KIAA1217: variants seen among roughly 807,000 people sequenced by gnomAD.
KIAA1217 encodes KIAA1217.
In KIAA1217, 88 loss-of-function variants were observed where a neutral mutation model predicts 163.9. The ratio of observed to expected loss-of-function variants is 0.54; its 90% CI spans 0.45 to 0.64. The LOEUF (loss-of-function observed/expected upper bound fraction) is 0.64, where lower values mean the gene tolerates loss of function less well. Among genes scored for constraint, KIAA1217 ranks in the 30% least tolerant of loss-of-function variants. The pLI, the probability that KIAA1217 is intolerant of heterozygous loss-of-function variation, is 0.00. For synonymous variants in KIAA1217, 903 were observed against 923.1 expected, an observed-to-expected ratio of 0.98 and a Z score of 0.39; for missense variants, 2,372 against 2,475.0, an observed-to-expected ratio of 0.96 and a Z score of 0.88.
At chr10:24,165,398 A>C (rs1249825765) in intron 2 of KIAA1217, among the ~76,000 whole-genome samples, 1 of 152,196 alleles carries the variant, frequency 6.6e-6, no homozygotes, top group Non-Finnish European at 1.5e-5. Flanking sequence ...GATGCTAGGA[A>C]TGTGTCAGTG....
At chr10:23,716,724 A>G (rs763291246) in intron 1 of KIAA1217, among the ~76,000 whole-genome samples, 3 of 152,144 alleles carry the variant, frequency 2.0e-5, no homozygotes, top group Non-Finnish European at 4.4e-5. Context: ...ATCAGCCTCT[A>G]TTGTGCATAT....
intron 5 of KIAA1217, chr10:24,466,918 T>A (rs2063012433): frequency 5.9e-6 from 2 of 337,196 alleles, no homozygotes; most frequent in East Asian, 1.7e-4. Context: ...AAGGGTGGGG[T>A]TTGAAATACA....
intron 1 of KIAA1217, among the ~76,000 whole-genome samples, chr10:23,965,254 C>T (rs1049617344): frequency 2.6e-5 from 4 of 152,204 alleles, no homozygotes; most frequent in African/African-American, 4.8e-5. Flanking sequence ...ATGCTGCATC[C>T]GGAGGGCCTC....
chr10:23,791,680 G>A (rs1296545843), intron 1 of KIAA1217, among the ~76,000 whole-genome samples: 4 of 152,184 alleles, frequency 2.6e-5, no homozygotes, highest in South Asian at 2.1e-4. Flanking sequence ...TTCATGTGGT[G>A]TATACCATAG....
rs80037523 is a variant in KIAA1217, at chr10:23,699,962, T to C, written c.-321+4728T>C. On this transcript the variant is annotated intron_variant, in intron 1 of 18. Coordinates refer to the KIAA1217 transcript ENST00000376462. ...ACAATGGACACTTGATGAAAATTTG[T>C]TGAATAAAGGAGTAAATGAATAAAA... Among the ~76,000 whole-genome samples, 412 of 152,326 alleles carry C rather than the reference T, an allele frequency of 2.7e-3. 13 individuals are homozygous for C. In the East Asian group the frequency reaches 0.066, roughly 24 times the overall value.
chr10:24,279,130 A>ACACCCAGC (rs1462879064), intron 2 of KIAA1217, among the ~76,000 whole-genome samples: 1 of 152,048 alleles, frequency 6.6e-6, no homozygotes. Flanking sequence ...ATAAGCCACC[A>ACACCCAGC]CACCCAGCTC....
chr10:23,704,172 G>GTA (rs35533445), intron 1 of KIAA1217, among the ~76,000 whole-genome samples: 1,878 of 39,876 alleles, frequency 0.047, 70 homozygotes, highest in Non-Finnish European at 0.062. Context: ...GTGTGTGTGT[G>GTA]TATATATATA....
chr10:24,539,799 A>C (rs1023557242), intron 17 of KIAA1217, among the ~76,000 whole-genome samples: 4 of 152,134 alleles, frequency 2.6e-5, no homozygotes, highest in African/African-American at 9.7e-5. Flanking sequence ...ACCCTTCCAT[A>C]AATCGGATGT....
Position 23,856,636 on chromosome 10 carries a change from G to A in KIAA1217, c.-320-150589G>A, listed in dbSNP as rs540045626. Among the ~76,000 whole-genome samples the A allele has an allele frequency of 2.1e-3, 319 of 152,368 alleles. 2 individuals are homozygous for A. Among genetic ancestry groups the A allele is most frequent in the African/African-American group, 7.5e-3 (311 of 41,592 alleles). Reference sequence around the variant, plus strand: ...AGGTGGAGCCTACAGAGGCAGGCAGGCCTCCTTGAGCTGTGGTGGGCACCA... The same window carrying A: ...AGGTGGAGCCTACAGAGGCAGGCAGACCTCCTTGAGCTGTGGTGGGCACCA... On this transcript the variant is annotated intron_variant, in intron 1 of 18. Transcript: ENST00000376462.
chr10:24,247,740 G>A (rs1437579791), intron 2 of KIAA1217, among the ~76,000 whole-genome samples: 2 of 152,186 alleles, frequency 1.3e-5, no homozygotes, highest in African/African-American at 4.8e-5. Flanking sequence ...GGTGGAGCTT[G>A]CAGTGAGCTG....
chr10:24,081,799 G>A (rs886508673), intron 2 of KIAA1217, among the ~76,000 whole-genome samples: 1 of 152,210 alleles, frequency 6.6e-6, no homozygotes, highest in African/African-American at 2.4e-5. Flanking sequence ...GGCCACATGT[G>A]GCCTGGGGAC....
chr10:24,321,924 G>C (rs2044210711), intron 2 of KIAA1217, among the ~76,000 whole-genome samples: 1 of 152,012 alleles, frequency 6.6e-6, no homozygotes, highest in South Asian at 2.1e-4. Flanking sequence ...TACATTTTGT[G>C]GTGTATTTTA....
chr10:24,075,375 G>A (rs2061337048), intron 2 of KIAA1217, among the ~76,000 whole-genome samples: 1 of 152,074 alleles, frequency 6.6e-6, no homozygotes, highest in African/African-American at 2.4e-5. Flanking sequence ...GAGTGCAGTG[G>A]CACCATCATA....
chr10:24,408,485 C>T (rs1412538888), intron 3 of KIAA1217, among the ~76,000 whole-genome samples: 1 of 152,162 alleles, frequency 6.6e-6, no homozygotes, highest in Non-Finnish European at 1.5e-5. Flanking sequence ...TCCTGAGTCA[C>T]ATCACACCTT....
At chr10:24,532,055 T>TTC in intron 15 of KIAA1217, 62 bp downstream of exon 15, 1 of 1,365,510 alleles carries the variant, frequency 7.3e-7, no homozygotes, top group South Asian at 2.1e-5. Context: ...TTAGACAAGG[T>TTC]TCTCTCTGTT....
chr10:24,310,565 T>C (rs1382203740), intron 2 of KIAA1217, among the ~76,000 whole-genome samples: 1 of 152,134 alleles, frequency 6.6e-6, no homozygotes, highest in Admixed American at 6.5e-5. Flanking sequence ...AAATCACAAA[T>C]TACACACCAC....
intron 1 of KIAA1217, among the ~76,000 whole-genome samples, chr10:23,826,197 A>AAAG (rs1238223021): frequency 6.6e-6 from 1 of 152,218 alleles, no homozygotes; most frequent in Admixed American, 6.5e-5. Context: ...CTACTAAAAA[A>AAAG]AAGTGTAAGT....
chr10:23,935,573 A>G (rs1458411526), intron 1 of KIAA1217, among the ~76,000 whole-genome samples: 1 of 152,238 alleles, frequency 6.6e-6, no homozygotes, highest in Non-Finnish European at 1.5e-5. Context: ...GTTAAAAACA[A>G]AAACATGAAA....
At chr10:23,975,287 T>G (rs1845493405) in intron 1 of KIAA1217, among the ~76,000 whole-genome samples, 1 of 152,144 alleles carries the variant, frequency 6.6e-6, no homozygotes, top group Non-Finnish European at 1.5e-5. Context: ...CCCGCACTCC[T>G]TTCTGACTGG....
Sources: gnomAD v4.1 joint callset for allele counts (sites outside exome capture counted in the v4.1 genomes callset) on GRCh38, gnomAD v4.1.1 for gene constraint, MANE v1.5 for transcripts, NCBI Gene and HGNC (gene_info 2026-07-23, HGNC 2026-07-21) for gene names.